Variants in MLLT3 observed in about 807,000 individuals in gnomAD.
MLLT3 encodes the protein MLLT3 super elongation complex subunit, also known as protein AF-9.
In MLLT3, 4 loss-of-function variants were observed where a neutral mutation model predicts 53.2. The ratio of observed to expected loss-of-function variants is 0.08; its 90% CI spans 0.04 to 0.17. The LOEUF (loss-of-function observed/expected upper bound fraction) is 0.17. Among genes scored for constraint, MLLT3 ranks in the 10% least tolerant of loss-of-function variants. The pLI is 1.00. For missense variants in MLLT3, 569 were observed against 684.0 expected, an observed-to-expected ratio of 0.83 and a Z score of 1.87; for synonymous variants, 283 against 230.6, an observed-to-expected ratio of 1.23 and a Z score of -2.06.
chr9:20,474,053 C>A (rs1824461381), intron 2 of MLLT3, among the ~76,000 whole-genome samples: 1 of 152,080 alleles, frequency 6.6e-6, no homozygotes, highest in Non-Finnish European at 1.5e-5. Flanking sequence ...ATACTCAGGA[C>A]ACTGACCTTG....
chr9:20,460,062 T>C (rs1824071386), intron 2 of MLLT3, among the ~76,000 whole-genome samples: 1 of 152,196 alleles, frequency 6.6e-6, no homozygotes, highest in African/African-American at 2.4e-5. Flanking sequence ...GAAACAGAGG[T>C]TAAAACTTAG....
chr9:20,350,458 G>GCA (rs1563931901), intron 10 of MLLT3, among the ~76,000 whole-genome samples: 1 of 150,300 alleles, frequency 6.7e-6, no homozygotes, highest in Non-Finnish European at 1.5e-5. Context: ...AGCCGGGCGT[G>GCA]GTGGCGGGCG....
chr9:20,541,832 C>T (rs1818639378), intron 2 of MLLT3, among the ~76,000 whole-genome samples: 1 of 152,192 alleles, frequency 6.6e-6, no homozygotes, highest in African/African-American at 2.4e-5. Flanking sequence ...GGTTCTACTT[C>T]AAATTCTACC....
At chr9:20,480,172 A>G (rs1484195787) in intron 2 of MLLT3, among the ~76,000 whole-genome samples, 2 of 152,250 alleles carry the variant, frequency 1.3e-5, no homozygotes, top group Non-Finnish European at 2.9e-5. Flanking sequence ...AAGCAAAATA[A>G]AAGTAAAACA....
rs188600912 is a variant in MLLT3 at position 20,578,716 on chromosome 9, A to T, written c.193+41938T>A. On this transcript the variant is annotated intron_variant, in intron 2 of 10. Transcript: ENST00000380338. ...TAAAAATTTTAAAATATGATCAATT[A>T]CTAGAAAACCCTTGAACATTATATT... Among the ~76,000 whole-genome samples, 184 of 152,206 alleles carry T rather than the reference A, an allele frequency of 1.2e-3. 1 individual carries two copies. The highest frequency in any genetic ancestry group is 3.5e-3 in the Admixed American group (54 of 15,292).
intron 8 of MLLT3, 64 bp downstream of exon 8, chr9:20,360,678 G>T: frequency 7.4e-7 from 1 of 1,346,070 alleles, no homozygotes; most frequent in Non-Finnish European, 1.1e-6. Context: ...AGTTTTGCAT[G>T]CTTTGTAAAA....
intron 2 of MLLT3, among the ~76,000 whole-genome samples, chr9:20,535,589 T>C (rs1818461130): frequency 6.6e-6 from 1 of 151,944 alleles, no homozygotes; most frequent in Admixed American, 6.6e-5. Context: ...GACAAAAAAA[T>C]AGTTACTGAA....
At chr9:20,618,253 A>G (rs1189218179) in intron 2 of MLLT3, among the ~76,000 whole-genome samples, 1 of 152,250 alleles carries the variant, frequency 6.6e-6, no homozygotes, top group East Asian at 1.9e-4. Flanking sequence ...TAGCTAACAT[A>G]ACACTTTAAA....
intron 5 of MLLT3, among the ~76,000 whole-genome samples, chr9:20,392,407 A>C (rs1232993520): frequency 6.6e-6 from 1 of 152,218 alleles, no homozygotes. Context: ...TTTTCTATTA[A>C]TACAATCTTA....
intron 2 of MLLT3, among the ~76,000 whole-genome samples, chr9:20,528,215 C>A (rs1210731369): frequency 1.3e-5 from 2 of 152,218 alleles, no homozygotes; most frequent in South Asian, 2.1e-4. Context: ...TATGGCTATA[C>A]CACTGGGTGT....
At chr9:20,492,631 GA>G (rs984510251) in intron 2 of MLLT3, among the ~76,000 whole-genome samples, 3 of 151,604 alleles carry the variant, frequency 2.0e-5, no homozygotes, top group Non-Finnish European at 4.4e-5. Context: ...AGATTTAATA[GA>G]AAAAAATCAT....
intron 2 of MLLT3, among the ~76,000 whole-genome samples, chr9:20,540,200 T>C (rs1818593409): frequency 6.6e-6 from 1 of 152,226 alleles, no homozygotes; most frequent in Non-Finnish European, 1.5e-5. Context: ...GGGCTGGTGT[T>C]GAGTGTCTGC....
At chr9:20,530,721 C>G (rs1214113120) in intron 2 of MLLT3, among the ~76,000 whole-genome samples, 3 of 152,172 alleles carry the variant, frequency 2.0e-5, no homozygotes, top group Non-Finnish European at 4.4e-5. Context: ...TCCTCTACAT[C>G]CTGGGTTTCA....
At chr9:20,576,998 G>A (rs543180287) in intron 2 of MLLT3, among the ~76,000 whole-genome samples, 2 of 152,206 alleles carry the variant, frequency 1.3e-5, no homozygotes, top group Admixed American at 1.3e-4. Context: ...CACTATATCT[G>A]CAAAGCACCA....
At chr9:20,441,510 C>T (rs554266841) in intron 4 of MLLT3, among the ~76,000 whole-genome samples, 2 of 151,800 alleles carry the variant, frequency 1.3e-5, no homozygotes, top group Non-Finnish European at 2.9e-5. Context: ...GGGAGGTGGC[C>T]GACAAGGTTA....
chr9:20,575,860 A>C (rs1400904693), intron 2 of MLLT3, among the ~76,000 whole-genome samples: 1 of 152,174 alleles, frequency 6.6e-6, no homozygotes, highest in East Asian at 1.9e-4. Context: ...GCTTCAACTA[A>C]AAGTCAGCAG....
At chr9:20,391,090 C>G (rs58235611) in intron 5 of MLLT3, among the ~76,000 whole-genome samples, 13,146 of 152,204 alleles carry the variant, frequency 0.086, 1,196 homozygotes, top group African/African-American at 0.22. Context: ...AGATACAGAA[C>G]AGTTCACCTG....
At chr9:20,470,275 C>T (rs921383525) in intron 2 of MLLT3, among the ~76,000 whole-genome samples, 5 of 151,852 alleles carry the variant, frequency 3.3e-5, no homozygotes, top group Non-Finnish European at 5.9e-5. Flanking sequence ...ATGTTTATCA[C>T]GTTAGTAGCA....
At chr9:20,408,829 G>A (rs901495328) in intron 5 of MLLT3, among the ~76,000 whole-genome samples, 7 of 152,286 alleles carry the variant, frequency 4.6e-5, no homozygotes, top group Admixed American at 1.3e-4. Flanking sequence ...GCAATGAACA[G>A]GGTGGGGCGG....
Sources: allele counts gnomAD v4.1 joint callset (sites outside exome capture counted in the v4.1 genomes callset), GRCh38; gene constraint gnomAD v4.1.1; transcripts MANE v1.5; gene names NCBI Gene and HGNC (gene_info 2026-07-23, HGNC 2026-07-21).